The following FBXL13 variants were observed in gnomAD, a reference collection of about 807,000 sequenced individuals.
FBXL13 encodes the protein F-box and leucine-rich repeat protein 13.
FBXL13 carries 67 observed loss-of-function variants against 83.6 expected under a neutral mutation model. That is an observed-to-expected ratio of 0.80 (90% CI 0.66 to 0.98). The LOEUF is 0.98. FBXL13 is among the 50% of genes least tolerant of loss of function. The pLI is 0.00. For missense variants in FBXL13, 822 were observed against 866.5 expected, an observed-to-expected ratio of 0.95 and a Z score of 0.64; for synonymous variants, 272 against 299.5, an observed-to-expected ratio of 0.91 and a Z score of 0.95.
rs181347589 is a variant in FBXL13 at position 102,840,452 on chromosome 7, G to A, written c.1720-7478C>T. Among the ~76,000 whole-genome samples the A allele has an allele frequency of 2.4e-4, 37 of 152,302 alleles. No individual in the cohort carries two copies. The East Asian group carries it at 6.6e-3, about 27-fold the overall frequency. ...GGGTCCTCTGTGGGGCAAGAAAGGC[G>A]GGGGAATTCCTTAAGCTAAAATAAT... On this transcript the variant is annotated intron_variant, in intron 17 of 19. Transcript: ENST00000313221.
At chr7:102,876,085 T>C (rs1211817510) in intron 16 of FBXL13, among the ~76,000 whole-genome samples, 1 of 152,104 alleles carries the variant, frequency 6.6e-6, no homozygotes, top group Non-Finnish European at 1.5e-5. Flanking sequence ...ACATTCATGA[T>C]GTGGGAGCAA....
intron 17 of FBXL13, among the ~76,000 whole-genome samples, chr7:102,843,081 G>A (rs577304802): frequency 3.3e-5 from 5 of 152,196 alleles, no homozygotes; most frequent in Non-Finnish European, 7.4e-5. Context: ...TTTTAAAATC[G>A]AAAGTTTATA....
intron 8 of FBXL13, chr7:102,939,607 C>A (rs767993933): frequency 6.3e-7 from 1 of 1,584,484 alleles, no homozygotes; most frequent in Admixed American, 1.8e-5. Context: ...TGTATAGCCC[C>A]TTCAATGGGT....
intron 14 of FBXL13, among the ~76,000 whole-genome samples, chr7:102,881,390 T>C (rs938060410): frequency 2.1e-5 from 3 of 142,960 alleles, no homozygotes; most frequent in Non-Finnish European, 4.5e-5. Flanking sequence ...TGAGCCAAGA[T>C]TGCACCACTG....
At chr7:102,966,603 C>G (rs1369594057) in intron 7 of FBXL13, among the ~76,000 whole-genome samples, 1 of 152,034 alleles carries the variant, frequency 6.6e-6, no homozygotes, top group Non-Finnish European at 1.5e-5. Context: ...AGATAAAGAC[C>G]AAGAGCATTA....
chr7:102,938,189 T>G (rs543072101), intron 8 of FBXL13, among the ~76,000 whole-genome samples: 2 of 152,352 alleles, frequency 1.3e-5, no homozygotes, highest in African/African-American at 4.8e-5. Flanking sequence ...GTCAGAGTTT[T>G]TAAACTGCTT....
intron 19 of FBXL13, among the ~76,000 whole-genome samples, chr7:102,817,551 T>A (rs765583258): frequency 6.6e-6 from 1 of 152,188 alleles, no homozygotes; most frequent in African/African-American, 2.4e-5. Context: ...CCATTATCTT[T>A]ACTCTGTTGA....
rs1372846701 is a variant in FBXL13, at chr7:102,921,876, C to A, written c.878+4398G>T. Among the ~76,000 whole-genome samples the A allele has an allele frequency of 2.6e-5, 4 of 151,970 alleles. No individual in the cohort carries two copies. The South Asian group carries it at 8.3e-4, about 32-fold the overall frequency. ...CTGAAGAAACTTCAACTACTTAGAA[C>A]CAAAAATTTTGCTCTAAATATCACT... On this transcript the variant is annotated intron_variant, in intron 10 of 19. Transcript: ENST00000313221.
intron 1 of FBXL13, among the ~76,000 whole-genome samples, chr7:103,065,182 C>A (rs1245891190): frequency 6.6e-6 from 1 of 151,978 alleles, no homozygotes; most frequent in African/African-American, 2.4e-5. Context: ...AAAAAAAAAG[C>A]CTAGCCATAA....
chr7:103,058,773 T>G (rs1450770467), intron 1 of FBXL13, among the ~76,000 whole-genome samples: 2 of 152,208 alleles, frequency 1.3e-5, no homozygotes, highest in African/African-American at 4.8e-5. Flanking sequence ...TTATGGTACA[T>G]TTTTAAGAAA....
chr7:102,992,361 A>G (rs1165194099), intron 6 of FBXL13, among the ~76,000 whole-genome samples: 1 of 152,142 alleles, frequency 6.6e-6, no homozygotes, highest in Non-Finnish European at 1.5e-5. Flanking sequence ...AAATGAGACA[A>G]TTTAGAAACA....
At chr7:102,952,394 G>T (rs1464661190) in intron 8 of FBXL13, among the ~76,000 whole-genome samples, 1 of 152,072 alleles carries the variant, frequency 6.6e-6, no homozygotes, top group African/African-American at 2.4e-5. Context: ...GAACCAAATG[G>T]TTGTTTGAAA....
intron 9 of FBXL13, among the ~76,000 whole-genome samples, chr7:102,931,593 A>T (rs1210035678): frequency 1.3e-5 from 2 of 152,090 alleles, no homozygotes; most frequent in Non-Finnish European, 2.9e-5. Context: ...CTGGGGCCCA[A>T]TTTTTTTCTG....
At chr7:102,990,840 C>T (rs1829486272) in intron 6 of FBXL13, among the ~76,000 whole-genome samples, 3 of 152,186 alleles carry the variant, frequency 2.0e-5, no homozygotes, top group Non-Finnish European at 4.4e-5. Flanking sequence ...AGTAACTCCA[C>T]ATGGCTACAG....
At chr7:102,923,480 T>C (rs752501535) in intron 10 of FBXL13, among the ~76,000 whole-genome samples, 1 of 152,146 alleles carries the variant, frequency 6.6e-6, no homozygotes, top group Non-Finnish European at 1.5e-5. Flanking sequence ...TAAAGTAACA[T>C]GCAGAAAAAT....
chr7:103,044,476 T>C (rs761112923), intron 2 of FBXL13, among the ~76,000 whole-genome samples: 1 of 152,222 alleles, frequency 6.6e-6, no homozygotes, highest in Non-Finnish European at 1.5e-5. Context: ...GCACTGTGTT[T>C]CTATTCTCTA....
At chr7:102,905,416 A>G (rs1013265414) in intron 11 of FBXL13, among the ~76,000 whole-genome samples, 2 of 152,236 alleles carry the variant, frequency 1.3e-5, no homozygotes, top group Non-Finnish European at 2.9e-5. Context: ...TTTGTCTGAT[A>G]TAAGTATAGT....
chr7:102,903,949 T>TATTTATTA (rs1563068254), intron 11 of FBXL13, among the ~76,000 whole-genome samples: 1 of 141,244 alleles, frequency 7.1e-6, no homozygotes, highest in South Asian at 2.2e-4. Flanking sequence ...CTTTTTTTTT[T>TATTTATTA]TTTTTTTTTT....
chr7:102,861,319 C>G (rs1806801419), intron 16 of FBXL13, among the ~76,000 whole-genome samples: 2 of 151,930 alleles, frequency 1.3e-5, no homozygotes, highest in Non-Finnish European at 2.9e-5. Flanking sequence ...TCTTTTAAGA[C>G]ATTGACTTTT....
Sources: allele counts gnomAD v4.1 joint callset (sites outside exome capture counted in the v4.1 genomes callset), GRCh38; gene constraint gnomAD v4.1.1; transcripts MANE v1.5; gene names NCBI Gene and HGNC (gene_info 2026-07-23, HGNC 2026-07-21).